RPS6KC1: variants seen among roughly 807,000 people sequenced by gnomAD.
The protein encoded by RPS6KC1 is ribosomal protein S6 kinase C1, also known as inactive ribosomal protein S6 kinase delta-1.
In RPS6KC1, 54 loss-of-function variants were observed where a neutral mutation model predicts 103.8. The ratio of observed to expected loss-of-function variants is 0.52; its 90% CI spans 0.42 to 0.65. The LOEUF (loss-of-function observed/expected upper bound fraction) is 0.65. Ranked by LOEUF, RPS6KC1 falls within the 30% of genes least tolerant of loss-of-function variation. RPS6KC1 has a pLI of 0.00. For missense variants in RPS6KC1, 1,151 were observed against 1,253.8 expected (o/e 0.92, Z 1.24); for synonymous variants, 439 against 438.7 (o/e 1.00, Z -0.01).
chr1:213,444,744 C>CAAAAA, the RPS6KC1 span, among the ~76,000 whole-genome samples: 22 of 87,520 alleles, frequency 2.5e-4, no homozygotes, highest in Non-Finnish European at 4.0e-4. Flanking sequence ...AACTCCAACT[C>CAAAAA]AAAAAAAAAA....
intron 3 of RPS6KC1, among the ~76,000 whole-genome samples, chr1:213,095,365 C>T (rs2081351830): frequency 6.6e-6 from 1 of 152,174 alleles, no homozygotes; most frequent in African/African-American, 2.4e-5. Context: ...GTTCCATGAA[C>T]TAGCTTTTGA....
intron 4 of RPS6KC1, among the ~76,000 whole-genome samples, chr1:213,110,741 A>G (rs940773654): frequency 6.6e-6 from 1 of 152,122 alleles, no homozygotes; most frequent in Non-Finnish European, 1.5e-5. Flanking sequence ...TTTGCCAGGT[A>G]TTCGTGGATA....
Position 213,060,892 on chromosome 1 carries a change from A to C in RPS6KC1, c.105+9383A>C, listed in dbSNP as rs188688614. ...ACTGTCTTTGTCAGTTTGGATTTTT[A>C]TAACAAGATATTATAGACTAGATGG... On this transcript the variant is annotated intron_variant, in intron 1 of 14. Coordinates refer to ENST00000366960, the MANE Select transcript of RPS6KC1 (RefSeq NM_012424.6). 5.0e-3 allele frequency among the ~76,000 whole-genome samples: 758 copies of C among 152,280 alleles called. 26 individuals are homozygous for C. Among genetic ancestry groups the C allele is most frequent in the Non-Finnish European group, 1.2e-3 (79 of 68,026 alleles).
chr1:213,576,832 C>T, the RPS6KC1 span, among the ~76,000 whole-genome samples: 3 of 152,172 alleles, frequency 2.0e-5, no homozygotes, highest in Non-Finnish European at 2.9e-5. Context: ...AAAAGCTAGG[C>T]CTCTTGAGCC....
Position 213,203,804 on chromosome 1 carries a change from A to G in RPS6KC1, c.1045-26693A>G, listed in dbSNP as rs527450389. ...ACATATATACACTGTTAAGGGCCCC[A>G]TTAGCCTGTGTTTTCACATAAGGTC... is the stretch of plus-strand genomic sequence containing the variant. On this transcript the variant is annotated intron_variant, in intron 8 of 14. Coordinates refer to ENST00000366960, the MANE Select transcript of RPS6KC1 (RefSeq NM_012424.6). Among the ~76,000 whole-genome samples the G allele has an allele frequency of 2.0e-5, 3 of 152,338 alleles. No homozygotes were observed. In the South Asian group the frequency reaches 6.2e-4, roughly 32 times the overall value.
At chr1:213,104,852 C>G (rs925334534) in intron 4 of RPS6KC1, among the ~76,000 whole-genome samples, 12 of 150,846 alleles carry the variant, frequency 8.0e-5, no homozygotes, top group Admixed American at 1.3e-4. Context: ...TTCCTGGGCT[C>G]AAGCCTCCTG....
the RPS6KC1 span, among the ~76,000 whole-genome samples, chr1:213,664,295 T>C: frequency 2.0e-5 from 3 of 151,730 alleles, no homozygotes; most frequent in South Asian, 6.3e-4. Flanking sequence ...AGGAGCATGT[T>C]CCATTGTCAC....
At chr1:213,293,535 C>T in the RPS6KC1 span, among the ~76,000 whole-genome samples, 4 of 152,126 alleles carry the variant, frequency 2.6e-5, no homozygotes, top group Non-Finnish European at 5.9e-5. Context: ...CACATATCTG[C>T]TGGGGAAATA....
the RPS6KC1 span, among the ~76,000 whole-genome samples, chr1:213,480,543 T>G: frequency 1.3e-5 from 2 of 152,136 alleles, no homozygotes; most frequent in Admixed American, 1.3e-4. Context: ...TGTTTCATTC[T>G]TGTCTTATTG....
intron 3 of RPS6KC1, among the ~76,000 whole-genome samples, chr1:213,082,382 G>C (rs1420845983): frequency 1.3e-5 from 2 of 152,162 alleles, no homozygotes; most frequent in Non-Finnish European, 2.9e-5. Flanking sequence ...AGTGAGCTGA[G>C]ATCGTGTCAC....
chr1:213,558,121 G>A, the RPS6KC1 span, among the ~76,000 whole-genome samples: 2 of 152,148 alleles, frequency 1.3e-5, no homozygotes, highest in African/African-American at 2.4e-5. Flanking sequence ...CTTTAAACTT[G>A]GGAGGCTTTA....
the RPS6KC1 span, among the ~76,000 whole-genome samples, chr1:213,667,271 T>C: frequency 0.67 from 101,955 of 152,020 alleles, 36,257 homozygotes; most frequent in South Asian, 0.82. Flanking sequence ...AATTTTTATA[T>C]ATAGGCATAC....
the RPS6KC1 span, among the ~76,000 whole-genome samples, chr1:213,294,261 G>A: frequency 6.6e-6 from 1 of 152,186 alleles, no homozygotes; most frequent in East Asian, 1.9e-4. Context: ...CCATCCATTG[G>A]ATGAGAAATC....
At chr1:213,441,921 A>C in the RPS6KC1 span, among the ~76,000 whole-genome samples, 1 of 152,240 alleles carries the variant, frequency 6.6e-6, no homozygotes, top group Non-Finnish European at 1.5e-5. Flanking sequence ...ATTATTGCAC[A>C]TTGTATTTAC....
chr1:213,855,698 C>T, the RPS6KC1 span, among the ~76,000 whole-genome samples: 1,264 of 152,334 alleles, frequency 8.3e-3, 13 homozygotes, highest in Middle Eastern at 0.01. Context: ...GAGCTGGCTA[C>T]CCGGTCCACT....
At chr1:213,090,324 C>T (rs2080847393) in intron 3 of RPS6KC1, among the ~76,000 whole-genome samples, 1 of 152,120 alleles carries the variant, frequency 6.6e-6, no homozygotes, top group South Asian at 2.1e-4. Flanking sequence ...CTCTTTGATT[C>T]CTTGACAAGA....
chr1:213,783,483 C>A, the RPS6KC1 span, among the ~76,000 whole-genome samples: 4 of 152,148 alleles, frequency 2.6e-5, no homozygotes, highest in Non-Finnish European at 5.9e-5. Flanking sequence ...TGCCTCCCCC[C>A]CTCAGATCTC....
chr1:213,124,369 A>G (rs57376645), intron 5 of RPS6KC1, among the ~76,000 whole-genome samples: 5,190 of 152,234 alleles, frequency 0.034, 121 homozygotes, highest in Middle Eastern at 0.054. Context: ...TATTATGTCA[A>G]ATGTCAGTGA....
the RPS6KC1 span, among the ~76,000 whole-genome samples, chr1:213,740,985 G>GTACACATATATATATCTCAGATATATA: frequency 1.1e-4 from 11 of 95,914 alleles, 1 homozygote; most frequent in East Asian, 8.9e-4. Context: ...TCAGATATAT[G>GTACACATATATATATCTCAGATATATA]TACACATATA....
Sources: gnomAD v4.1 joint callset for allele counts (sites outside exome capture counted in the v4.1 genomes callset) on GRCh38, gnomAD v4.1.1 for gene constraint, MANE v1.5 for transcripts, NCBI Gene and HGNC (gene_info 2026-07-23, HGNC 2026-07-21) for gene names.